The following WDPCP variants were observed in gnomAD, a reference collection of about 807,000 sequenced individuals.
WDPCP encodes WD repeat containing planar cell polarity effector.
A neutral mutation model predicts 93.1 loss-of-function variants in WDPCP; 71 were observed. The observed-to-expected ratio is 0.76, with a 90% CI of 0.63 to 0.93. The LOEUF is 0.93. WDPCP is among the 40% of genes least tolerant of loss of function. The pLI, the probability that WDPCP is intolerant of heterozygous loss-of-function variation, is 0.00. For synonymous variants in WDPCP, 315 were observed against 315.0 expected, an observed-to-expected ratio of 1.00 and a Z score of 0.00; for missense variants, 844 against 887.4, an observed-to-expected ratio of 0.95 and a Z score of 0.62.
chr2:63,595,557 G>A (rs1253730773), intron 3 of WDPCP: 11 of 1,266,996 alleles, frequency 8.7e-6, no homozygotes, highest in Non-Finnish European at 1.3e-5. Flanking sequence ...TATGGTATTT[G>A]ATTTCTTACA....
At chr2:63,779,626 G>C (rs867866825) in intron 2 of WDPCP, among the ~76,000 whole-genome samples, 3 of 152,078 alleles carry the variant, frequency 2.0e-5, no homozygotes, top group Non-Finnish European at 4.4e-5. Context: ...AATCACCATC[G>C]ATCTCTAGGT....
chr2:63,665,605 A>G (rs1710274221), intron 2 of WDPCP, among the ~76,000 whole-genome samples: 1 of 152,252 alleles, frequency 6.6e-6, no homozygotes, highest in Admixed American at 6.5e-5. Flanking sequence ...GACCCAATTC[A>G]ACCCATAGCA....
At chr2:63,714,488 T>C (rs1309078091) in intron 2 of WDPCP, among the ~76,000 whole-genome samples, 1 of 152,194 alleles carries the variant, frequency 6.6e-6, no homozygotes, top group Admixed American at 6.5e-5. Flanking sequence ...GAAAAATAGT[T>C]TGACAGTTCC....
At chr2:63,573,339 G>A (rs951130605) in intron 1 of WDPCP, among the ~76,000 whole-genome samples, 1 of 152,192 alleles carries the variant, frequency 6.6e-6, no homozygotes, top group East Asian at 1.9e-4. Context: ...CCTGAACGGA[G>A]GGACCGGCTG....
At chr2:63,181,592 G>A (rs1018841198) in intron 14 of WDPCP, among the ~76,000 whole-genome samples, 3 of 152,160 alleles carry the variant, frequency 2.0e-5, no homozygotes, top group African/African-American at 7.2e-5. Context: ...TTTGGTTACT[G>A]TAACCTCATA....
At chr2:63,825,362 T>G (rs1309880997) in intron 1 of WDPCP, among the ~76,000 whole-genome samples, 1 of 152,130 alleles carries the variant, frequency 6.6e-6, no homozygotes, top group African/African-American at 2.4e-5. Context: ...GTGGAAATAA[T>G]GTTTTATATA....
At chr2:63,830,579 C>G (rs1488568167), upstream of WDPCP, among the ~76,000 whole-genome samples, 1 of 152,076 alleles carries the variant, frequency 6.6e-6, no homozygotes, top group Non-Finnish European at 1.5e-5. Context: ...ATTCAATCTA[C>G]TTTAATCTTC....
At chr2:63,489,454 G>A (rs57518057) in intron 2 of WDPCP, among the ~76,000 whole-genome samples, 2,976 of 152,188 alleles carry the variant, frequency 0.02, 114 homozygotes, top group African/African-American at 0.068. Flanking sequence ...GAGCAGCAAT[G>A]TTCCAATAAT....
At chr2:63,123,832 G>A (rs966037016) in intron 17 of WDPCP, among the ~76,000 whole-genome samples, 9 of 148,984 alleles carry the variant, frequency 6.0e-5, no homozygotes, top group Middle Eastern at 3.3e-3. Context: ...TTTTCTCCAC[G>A]TTTTATTTAT....
chr2:63,461,335 G>T (rs1247039143), intron 6 of WDPCP, among the ~76,000 whole-genome samples: 1 of 152,054 alleles, frequency 6.6e-6, no homozygotes, highest in Non-Finnish European at 1.5e-5. Flanking sequence ...ACTAAATTTA[G>T]TTGTTTAAAT....
chr2:63,594,783 T>C, intron 3 of WDPCP: 1 of 491,524 alleles, frequency 2.0e-6, no homozygotes, highest in Middle Eastern at 5.7e-4. Context: ...ACTTTGCAAA[T>C]GAGAACTCTT....
intron 12 of WDPCP, among the ~76,000 whole-genome samples, chr2:63,343,046 C>T (rs1444723133): frequency 3.9e-5 from 6 of 151,998 alleles, no homozygotes; most frequent in Non-Finnish European, 7.4e-5. Context: ...ACTCTGTTAC[C>T]CAGGCTGGAG....
chr2:63,755,203 C>A (rs973912155), intron 2 of WDPCP, among the ~76,000 whole-genome samples: 1 of 152,160 alleles, frequency 6.6e-6, no homozygotes. Flanking sequence ...TTGTTCGTTA[C>A]ACAGGTCTGC....
In WDPCP at chr2:63,802,736, TA is replaced by T. The variant is rs972389251; in HGVS notation, n.308+10885del. On this transcript the variant is annotated intron_variant and non_coding_transcript_variant, in intron 2 of 4. Transcript: ENST00000467687. The stretch of plus-strand genomic sequence containing the variant: ...ATTGTTAGTCTATATAGTACAGCTT[TA>T]AAAAAAAAGACACATAGAGATGTAT... 6.6e-5 allele frequency among the ~76,000 whole-genome samples: 10 copies of T among 151,324 alleles called. No homozygotes were observed. The East Asian group carries it at 1.2e-3, about 18-fold the overall frequency.
intron 2 of WDPCP, among the ~76,000 whole-genome samples, chr2:63,683,766 T>C (rs1174792104): frequency 2.6e-5 from 4 of 151,962 alleles, no homozygotes; most frequent in African/African-American, 2.4e-5. Flanking sequence ...GGAAAATCGC[T>C]TGAACCCAGG....
rs1044842759 is a variant in WDPCP, at chr2:63,121,669, C to A, written c.*337G>T. 9.8e-6 allele frequency: 3 copies of A among 306,218 alleles called. No individual in the cohort carries two copies. Among genetic ancestry groups the A allele is most frequent in the East Asian group, 1.8e-4 (2 of 11,348 alleles). The allele number at this position is 306,218 out of a possible 1,614,324, so 19.0% of individuals were successfully genotyped here. A position where few individuals can be genotyped will look rare whatever the true frequency, so the allele number is the denominator to read the frequency against. On this transcript the variant is annotated 3_prime_UTR_variant, in exon 18 of 18. Transcript: ENST00000272321. ...ACAGGCATGAGCACTATGCCTGCCC[C>A]CTACTGCCCCTTTTTTAAAGTACCT...
the WDPCP span, among the ~76,000 whole-genome samples, chr2:63,838,475 T>C: frequency 6.6e-6 from 1 of 152,196 alleles, no homozygotes; most frequent in Non-Finnish European, 1.5e-5. Flanking sequence ...AGACAAAAAC[T>C]GGCTTCCAGG....
intron 3 of WDPCP, among the ~76,000 whole-genome samples, chr2:63,601,714 G>C (rs1015451160): frequency 5.3e-5 from 8 of 152,302 alleles, no homozygotes; most frequent in African/African-American, 1.9e-4. Context: ...ACAAAGGAAG[G>C]CATGGGAGCC....
intron 14 of WDPCP, among the ~76,000 whole-genome samples, chr2:63,187,840 A>G (rs1674752151): frequency 6.6e-6 from 1 of 152,190 alleles, no homozygotes; most frequent in Admixed American, 6.5e-5. Flanking sequence ...GTTGGTGCCT[A>G]CCATCCTTTG....
Sources: gnomAD v4.1 joint callset for allele counts (sites outside exome capture counted in the v4.1 genomes callset) on GRCh38, gnomAD v4.1.1 for gene constraint, MANE v1.5 for transcripts, NCBI Gene and HGNC (gene_info 2026-07-23, HGNC 2026-07-21) for gene names.